Variants in AFAP1 observed in about 807,000 individuals in gnomAD.
AFAP1 encodes actin filament associated protein 1, also known as actin filament-associated protein 1.
Under a neutral mutation model 93.9 loss-of-function variants are expected in AFAP1, and 75 were observed. The observed-to-expected ratio is 0.80, with a 90% CI of 0.66 to 0.97. The LOEUF is 0.97. Among genes scored for constraint, AFAP1 ranks in the 50% least tolerant of loss-of-function variants. The probability of loss-of-function intolerance (pLI) is 0.00; values close to 1 mark genes in which losing one functional copy is unlikely to be tolerated. For synonymous variants in AFAP1, 517 were observed against 430.7 expected, an observed-to-expected ratio of 1.20 and a Z score of -2.48; for missense variants, 1,201 against 1,050.8, an observed-to-expected ratio of 1.14 and a Z score of -1.98.
chr4:7,924,719 C>T (rs1287045757), intron 1 of AFAP1, among the ~76,000 whole-genome samples: 1 of 152,060 alleles, frequency 6.6e-6, no homozygotes, highest in South Asian at 2.1e-4. Context: ...TGCAGCTGCC[C>T]GCCCAGGACA....
chr4:7,803,711 G>A (rs1719252038), intron 9 of AFAP1, among the ~76,000 whole-genome samples: 1 of 152,276 alleles, frequency 6.6e-6, no homozygotes, highest in Non-Finnish European at 1.5e-5. Context: ...CTCTCATGGT[G>A]TCTTCTTCCC....
intron 1 of AFAP1, among the ~76,000 whole-genome samples, chr4:7,899,934 G>C (rs898617604): frequency 2.0e-5 from 3 of 150,202 alleles, no homozygotes; most frequent in African/African-American, 7.3e-5. Context: ...GTGTATCAGT[G>C]ACTAACACCT....
intron 6 of AFAP1, among the ~76,000 whole-genome samples, chr4:7,827,260 C>T (rs1161577836): frequency 6.6e-6 from 1 of 151,982 alleles, no homozygotes; most frequent in Non-Finnish European, 1.5e-5. Flanking sequence ...CCCAACATAC[C>T]TACAGATGCA....
Position 7,819,190 on chromosome 4 carries a change from C to T in AFAP1, c.727-19G>A, listed in dbSNP as rs1413464607. On this transcript the variant is annotated intron_variant, in intron 6 of 17. Coordinates refer to ENST00000420658, the MANE Select transcript of AFAP1 (RefSeq NM_001134647.2). Reference sequence around the variant, plus strand: ...TGATCACCTATAAAAAGCACAGACACTTTGTGAGTATGCCCAAAGGCAGAG... The same window carrying T: ...TGATCACCTATAAAAAGCACAGACATTTTGTGAGTATGCCCAAAGGCAGAG... 1 of 1,594,298 alleles carries T rather than the reference C, an allele frequency of 6.3e-7. No homozygotes were observed. Among genetic ancestry groups the T allele is most frequent in the Non-Finnish European group, 8.5e-7 (1 of 1,169,928 alleles).
chr4:7,904,693 G>GGTTT (rs139005886), intron 1 of AFAP1, among the ~76,000 whole-genome samples: 138 of 151,126 alleles, frequency 9.1e-4, no homozygotes, highest in African/African-American at 2.5e-3. Flanking sequence ...TATTACAAAT[G>GGTTT]GTTTGTTTGT....
intron 1 of AFAP1, among the ~76,000 whole-genome samples, chr4:7,906,871 G>A (rs182845865): frequency 9.9e-5 from 15 of 152,122 alleles, no homozygotes; most frequent in African/African-American, 2.4e-4. Flanking sequence ...GAATGCTGGC[G>A]GGCGCCTGTA....
Position 7,911,370 on chromosome 4 carries a change from C to A in AFAP1, c.-3+28286G>T, listed in dbSNP as rs558943327. On this transcript the variant is annotated intron_variant, in intron 1 of 17. Transcript: ENST00000420658. ...AACCAAACTGTGAGCTGTACTGACC[C>A]GGGCCTCGCCCATGTTGCAGGCATG... Among the ~76,000 whole-genome samples the A allele has an allele frequency of 7.2e-5, 11 of 152,306 alleles. No individual in the cohort carries two copies. The South Asian group carries it at 2.3e-3, about 32-fold the overall frequency.
intron 1 of AFAP1, among the ~76,000 whole-genome samples, chr4:7,933,058 T>G (rs1035338406): frequency 1.4e-5 from 2 of 145,942 alleles, no homozygotes; most frequent in Non-Finnish European, 3.0e-5. Flanking sequence ...GATCTTCACG[T>G]TCCTGACGAT....
intron 1 of AFAP1, among the ~76,000 whole-genome samples, chr4:7,876,138 G>T (rs1160652101): frequency 6.6e-6 from 1 of 152,218 alleles, no homozygotes; most frequent in Non-Finnish European, 1.5e-5. Context: ...ACTATCTGAA[G>T]AGAACCTAAG....
intron 1 of AFAP1, among the ~76,000 whole-genome samples, chr4:7,936,454 T>C (rs1721385473): frequency 6.6e-6 from 1 of 151,868 alleles, no homozygotes; most frequent in Non-Finnish European, 1.5e-5. Context: ...TCTCCCAAAG[T>C]GCTGGCATTA....
At chr4:7,776,906 T>C (rs1716187272) in intron 14 of AFAP1, 2 of 152,214 alleles carry the variant, frequency 1.3e-5, no homozygotes, top group Admixed American at 1.3e-4. Flanking sequence ...GGTCCCCATG[T>C]AATAAATCCC....
chr4:7,874,584 C>T (rs1341998014), intron 1 of AFAP1, among the ~76,000 whole-genome samples: 3 of 119,500 alleles, frequency 2.5e-5, no homozygotes, highest in African/African-American at 9.9e-5. Flanking sequence ...AGGGTTTCAC[C>T]ATGTTAGCCG....
At chr4:7,936,613 ACT>A (rs1252537915) in intron 1 of AFAP1, among the ~76,000 whole-genome samples, 20 of 139,848 alleles carry the variant, frequency 1.4e-4, no homozygotes, top group African/African-American at 5.6e-4. Flanking sequence ...ATGGAGTCTC[ACT>A]CTGTCACCCA....
chr4:7,895,997 A>G (rs7660568), intron 1 of AFAP1, among the ~76,000 whole-genome samples: 18,261 of 151,448 alleles, frequency 0.12, 1,356 homozygotes, highest in Non-Finnish European at 0.17. Context: ...AGCAGCTGGT[A>G]TTACAGGCAT....
At chr4:7,782,219 G>C (rs1716845955) in intron 12 of AFAP1, among the ~76,000 whole-genome samples, 2 of 152,256 alleles carry the variant, frequency 1.3e-5, no homozygotes, top group Admixed American at 6.5e-5. Context: ...GAGCCGGTGA[G>C]TGGCAGAGCG....
chr4:7,791,841 T>TG (rs1717882397), intron 11 of AFAP1, among the ~76,000 whole-genome samples: 7 of 71,894 alleles, frequency 9.7e-5, no homozygotes, highest in African/African-American at 2.9e-4. Flanking sequence ...CAACCCTTAA[T>TG]CAAAAAAAAA....
chr4:7,890,389 C>G (rs1420089273), intron 1 of AFAP1, among the ~76,000 whole-genome samples: 1 of 152,132 alleles, frequency 6.6e-6, no homozygotes, highest in Non-Finnish European at 1.5e-5. Flanking sequence ...TTAAATAGAT[C>G]AGACCTAAAC....
intron 1 of AFAP1, among the ~76,000 whole-genome samples, chr4:7,933,326 G>A (rs1721199146): frequency 6.6e-6 from 1 of 152,078 alleles, no homozygotes; most frequent in Non-Finnish European, 1.5e-5. Context: ...TGTAATCACA[G>A]CACTTTGGGA....
chr4:7,883,385 A>G (rs1717963015), intron 1 of AFAP1, among the ~76,000 whole-genome samples: 1 of 152,126 alleles, frequency 6.6e-6, no homozygotes. Flanking sequence ...TAACTTGATA[A>G]AATACATGTA....
Sources: gnomAD v4.1 joint callset for allele counts (sites outside exome capture counted in the v4.1 genomes callset) on GRCh38, gnomAD v4.1.1 for gene constraint, MANE v1.5 for transcripts, NCBI Gene and HGNC (gene_info 2026-07-23, HGNC 2026-07-21) for gene names.